MINK1: variants seen among roughly 807,000 people sequenced by gnomAD.
MINK1 encodes the protein misshapen like kinase 1, also known as misshapen-like kinase 1.
Under a neutral mutation model 178.4 loss-of-function variants are expected in MINK1, and 46 were observed. That is an observed-to-expected ratio of 0.26 (90% confidence interval 0.20 to 0.33). The LOEUF (loss-of-function observed/expected upper bound fraction) is 0.33, where lower values mean the gene tolerates loss of function less well. Ranked by LOEUF, MINK1 falls within the 10% of genes least tolerant of loss-of-function variation. The probability of loss-of-function intolerance (pLI) is 1.00; values close to 1 mark genes in which losing one functional copy is unlikely to be tolerated. For missense variants in MINK1, 1,366 were observed against 1,814.9 expected (o/e 0.75, Z 4.49); for synonymous variants, 797 against 709.7 (o/e 1.12, Z -1.96).
intron 4 of MINK1, 106 bp from the exon 5 acceptor site, chr17:4,884,257 C>T: frequency 1.2e-6 from 1 of 833,924 alleles, no homozygotes; most frequent in Non-Finnish European, 2.0e-6. Context: ...AGTTCTAACC[C>T]CAAGGTCTCT....
Position 4,887,850 on chromosome 17 carries a change from C to T in MINK1, c.1230+60C>T. On this transcript the variant is annotated intron_variant, in intron 12 of 31. Coordinates refer to ENST00000355280, the MANE Select transcript of MINK1 (RefSeq NM_153827.5). The surrounding 1 kb of genome is among the most constrained non-coding windows in gnomAD (Gnocchi z 7.6). ...GCCTCCTCCTGACCTGCCCCGGGTC[C>T]ATTAGGGCCTTGGAGAACAGGTTTT... The T allele has an allele frequency of 6.7e-6, 9 of 1,337,316 alleles. No individual in the cohort carries two copies. The South Asian group carries it at 1.5e-4, about 22-fold the overall frequency. 82.8% of individuals were successfully genotyped at this position (1,337,316 alleles called of 1,614,324 possible).
intron 1 of MINK1, among the ~76,000 whole-genome samples, chr17:4,860,599 A>C (rs1421556582): frequency 6.6e-6 from 1 of 152,204 alleles, no homozygotes; most frequent in Non-Finnish European, 1.5e-5. Context: ...GGCCCCAGGC[A>C]GCACCGTGAG....
intron 1 of MINK1, chr17:4,834,883 G>A (rs1865702033): frequency 5.8e-6 from 3 of 519,818 alleles, no homozygotes; most frequent in East Asian, 5.4e-5. Context: ...CAGGTGCCCC[G>A]GATATGGCTG....
chr17:4,869,720 C>A (rs900711450), intron 1 of MINK1, among the ~76,000 whole-genome samples: 6 of 150,782 alleles, frequency 4.0e-5, no homozygotes, highest in African/African-American at 1.2e-4. Context: ...TATAAGAGTT[C>A]CCCTTTCTCC....
intron 1 of MINK1, chr17:4,851,060 C>G (rs375073272): frequency 8.7e-6 from 4 of 458,376 alleles, no homozygotes; most frequent in African/African-American, 8.0e-5. Context: ...GCCTTCCTCT[C>G]AATTCTACTT....
At chr17:4,869,731 A>T (rs1597470013) in intron 1 of MINK1, among the ~76,000 whole-genome samples, 1 of 146,456 alleles carries the variant, frequency 6.8e-6, no homozygotes, top group Admixed American at 6.7e-5. Flanking sequence ...CCCTTTCTCC[A>T]TATCCTTGGC....
At chr17:4,889,093 C>G (rs1005612871) in intron 12 of MINK1, among the ~76,000 whole-genome samples, 1 of 152,158 alleles carries the variant, frequency 6.6e-6, no homozygotes. Flanking sequence ...GTAAGGGTCC[C>G]TCAGGGTTTG....
At chr17:4,838,867 C>T (rs1026023351) in intron 1 of MINK1, among the ~76,000 whole-genome samples, 2 of 152,114 alleles carry the variant, frequency 1.3e-5, no homozygotes, top group African/African-American at 2.4e-5. Flanking sequence ...TAATATAGTA[C>T]TCAGTCCTCT....
intron 1 of MINK1, among the ~76,000 whole-genome samples, chr17:4,845,753 A>G (rs1394500594): frequency 2.0e-5 from 3 of 151,924 alleles, no homozygotes; most frequent in African/African-American, 7.3e-5. Context: ...CTCCTGCCTC[A>G]GCCTCCCAAG....
At chr17:4,869,071 C>T (rs960112789) in intron 1 of MINK1, among the ~76,000 whole-genome samples, 5 of 151,788 alleles carry the variant, frequency 3.3e-5, no homozygotes, top group Non-Finnish European at 7.4e-5. Context: ...CTACAGGCGC[C>T]AGCCACCACG....
At chr17:4,863,447 A>G (rs995189379) in intron 1 of MINK1, among the ~76,000 whole-genome samples, 2 of 151,920 alleles carry the variant, frequency 1.3e-5, no homozygotes, top group African/African-American at 2.4e-5. Context: ...TTTTTCCTTC[A>G]ATCTTGGACT....
In MINK1 at chr17:4,887,282, C is replaced by T. The variant is rs1968305138; in HGVS notation, c.1019+103C>T. 4 of 1,250,154 alleles carry T rather than the reference C, an allele frequency of 3.2e-6. No individual in the cohort carries two copies. Among genetic ancestry groups the T allele is most frequent in the East Asian group, 2.5e-5 (1 of 39,458 alleles). The allele number at this position is 1,250,154 out of a possible 1,614,324, so 77.4% of individuals were successfully genotyped here. On this transcript the variant is annotated intron_variant, in intron 11 of 31. Coordinates refer to ENST00000355280, the MANE Select transcript of MINK1 (RefSeq NM_153827.5). The surrounding 1 kb of genome is among the most constrained non-coding windows in gnomAD (Gnocchi z 7.6). Reference sequence around the variant, plus strand: ...ACTCTCAGCCTGGGGGTGGTGGGCACAGAGAGGTAGAGACTCCTGGAAACC... The same window carrying T: ...ACTCTCAGCCTGGGGGTGGTGGGCATAGAGAGGTAGAGACTCCTGGAAACC...
At chr17:4,838,507 TG>T (rs1310063991) in intron 1 of MINK1, among the ~76,000 whole-genome samples, 2 of 152,198 alleles carry the variant, frequency 1.3e-5, no homozygotes, top group African/African-American at 4.8e-5. Context: ...CGCATTGAAC[TG>T]TGTGCCTAAG....
intron 1 of MINK1, among the ~76,000 whole-genome samples, chr17:4,865,667 G>C (rs936968282): frequency 1.8e-4 from 27 of 146,616 alleles, no homozygotes; most frequent in Non-Finnish European, 5.9e-5. Flanking sequence ...AGGATCGCTT[G>C]AGCCCAGAAG....
intron 12 of MINK1, among the ~76,000 whole-genome samples, chr17:4,888,925 C>T (rs1186718673): frequency 2.6e-5 from 4 of 152,004 alleles, no homozygotes; most frequent in Non-Finnish European, 4.4e-5. Context: ...GTCTCGAACT[C>T]CCGACCTCAG....
chr17:4,886,662 GA>G lies in MINK1; in HGVS notation c.949+37del. On this transcript the variant is annotated intron_variant, in intron 10 of 31. Coordinates refer to ENST00000355280, the MANE Select transcript of MINK1 (RefSeq NM_153827.5). This position sits in a 1 kb window ranked among gnomAD's most constrained non-coding sequence, Gnocchi z 6.1. ...AGGCTGGAGGGGGCAGGTACTAGGG[GA>G]CACTCCAGCCTGGCTCCTCTCTGCC... is the stretch of plus-strand genomic sequence containing the variant. 2 of 1,531,844 alleles carry G rather than the reference GA, an allele frequency of 1.3e-6. No homozygotes were observed. The highest frequency in any genetic ancestry group is 1.8e-6 in the Non-Finnish European group (2 of 1,139,924). The allele number at this position is 1,531,844 out of a possible 1,614,324, so 94.9% of individuals were successfully genotyped here.
chr17:4,896,010 C>T lies in MINK1; in HGVS notation c.3372C>T (p.Tyr1124=), dbSNP rs374714718. 793 of 1,596,480 alleles carry T rather than the reference C, an allele frequency of 5.0e-4. 1 individual carries two copies. The highest frequency in any genetic ancestry group is 6.3e-4 in the Non-Finnish European group (737 of 1,171,452). ...EGCGHYRVVK[Y]ERIKFLVIAL... Reference sequence around the variant, plus strand: ...CTTCTCTCCCGCCCCCAGTGAAATACGAGCGGATTAAGTTCCTGGTCATCG... The same window carrying T: ...CTTCTCTCCCGCCCCCAGTGAAATATGAGCGGATTAAGTTCCTGGTCATCG... The change falls in exon 28 of 32, where the codon TAC becomes TAT. Residue 1124 remains tyrosine (Y), a synonymous_variant. Coordinates refer to ENST00000355280, the MANE Select transcript of MINK1 (RefSeq NM_153827.5). The surrounding 1 kb of genome is among the most constrained non-coding windows in gnomAD (Gnocchi z 4.6).
At chr17:4,865,820 A>G (rs779567963) in intron 1 of MINK1, among the ~76,000 whole-genome samples, 1 of 151,662 alleles carries the variant, frequency 6.6e-6, no homozygotes, top group Non-Finnish European at 1.5e-5. Context: ...ACTTGAGTCC[A>G]GGAGTTCGAG....
chr17:4,840,350 C>A (rs774747166), intron 1 of MINK1, among the ~76,000 whole-genome samples: 1 of 151,940 alleles, frequency 6.6e-6, no homozygotes. Flanking sequence ...AGGCTTAATT[C>A]CAAAAGGATT....
Sources: allele counts gnomAD v4.1 joint callset (sites outside exome capture counted in the v4.1 genomes callset), GRCh38; gene constraint gnomAD v4.1.1; non-coding constraint Gnocchi (gnomAD v3.1); transcripts MANE v1.5; gene names NCBI Gene and HGNC (gene_info 2026-07-23, HGNC 2026-07-21).